Variants in THSD4 observed in about 807,000 individuals in gnomAD.
The protein encoded by THSD4 is thrombospondin type-1 domain-containing protein 4.
In THSD4, 69 loss-of-function variants were observed where a neutral mutation model predicts 119.0. The ratio of observed to expected loss-of-function variants is 0.58; its 90% CI spans 0.48 to 0.71. THSD4 has a LOEUF of 0.71. Among genes scored for constraint, THSD4 ranks in the 30% least tolerant of loss-of-function variants. The pLI, the probability that THSD4 is intolerant of heterozygous loss-of-function variation, is 0.00. For missense variants in THSD4, 1,393 were observed against 1,391.1 expected (o/e 1.00, Z -0.02); for synonymous variants, 524 against 540.4 (o/e 0.97, Z 0.42).
intron 6 of THSD4, among the ~76,000 whole-genome samples, chr15:71,322,543 G>A (rs1326301130): frequency 1.3e-5 from 2 of 152,174 alleles, no homozygotes; most frequent in East Asian, 1.9e-4. Flanking sequence ...CTTAAAAACA[G>A]CAATAAATAT....
In THSD4 at chr15:71,780,895, A is replaced by G. The variant is rs1338603219; in HGVS notation, c.*3521A>G. The G allele has an allele frequency of 7.0e-6, 3 of 428,840 alleles. No homozygotes were observed. The highest frequency in any genetic ancestry group is 2.8e-5 in the Admixed American group (1 of 35,334). The allele number at this position is 428,840 out of a possible 1,614,324, so 26.6% of individuals were successfully genotyped here. ...GAGCTTGGTGTATTTTCATCAAGTT[A>G]TGTGGCAGAGAAATCCAGATATTAC... On this transcript the variant is annotated 3_prime_UTR_variant, in exon 18 of 18. Transcript: ENST00000261862.
chr15:71,363,296 C>G (rs4776550), intron 6 of THSD4, among the ~76,000 whole-genome samples: 30,069 of 152,182 alleles, frequency 0.2, 3,636 homozygotes, highest in East Asian at 0.54. Flanking sequence ...TTTAAAAAAA[C>G]AAAGTAGTAA....
intron 8 of THSD4, among the ~76,000 whole-genome samples, chr15:71,717,083 A>G (rs1408987144): frequency 6.6e-6 from 1 of 152,200 alleles, no homozygotes; most frequent in East Asian, 1.9e-4. Flanking sequence ...GTGAGCCCTG[A>G]TAAGATACTT....
intron 7 of THSD4, among the ~76,000 whole-genome samples, chr15:71,434,280 A>G (rs566916502): frequency 1.3e-5 from 2 of 152,304 alleles, no homozygotes; most frequent in South Asian, 4.1e-4. Flanking sequence ...ATGTAAACAT[A>G]GCATGTAACA....
At chr15:71,405,696 A>G (rs2046596023) in intron 6 of THSD4, among the ~76,000 whole-genome samples, 2 of 152,152 alleles carry the variant, frequency 1.3e-5, no homozygotes, top group East Asian at 1.9e-4. Context: ...ATAAGAGGGC[A>G]TTTGGTAGTT....
chr15:71,242,338 CTCTT>C (rs2044159826), intron 4 of THSD4, among the ~76,000 whole-genome samples: 2 of 152,204 alleles, frequency 1.3e-5, no homozygotes, highest in South Asian at 2.1e-4. Flanking sequence ...AATGCCCAGA[CTCTT>C]TGCATAAAAA....
At chr15:71,224,814 C>T (rs1285546461) in intron 4 of THSD4, among the ~76,000 whole-genome samples, 2 of 152,144 alleles carry the variant, frequency 1.3e-5, no homozygotes, top group Non-Finnish European at 2.9e-5. Flanking sequence ...ATCCTCCTAC[C>T]TCCCACTTAT....
At chr15:71,559,668 A>G (rs1003223195) in intron 7 of THSD4, among the ~76,000 whole-genome samples, 1 of 152,002 alleles carries the variant, frequency 6.6e-6, no homozygotes, top group Non-Finnish European at 1.5e-5. Flanking sequence ...TATTCATCGC[A>G]ATGACATATA....
intron 8 of THSD4, among the ~76,000 whole-genome samples, chr15:71,700,388 G>A (rs2052260942): frequency 6.6e-6 from 1 of 151,814 alleles, no homozygotes; most frequent in African/African-American, 2.4e-5. Context: ...AAATGTACAA[G>A]AACCATAGGA....
intron 2 of THSD4, among the ~76,000 whole-genome samples, chr15:71,144,250 T>C (rs1241318608): frequency 1.3e-5 from 2 of 152,156 alleles, no homozygotes; most frequent in South Asian, 2.1e-4. Context: ...CAGGTGCACA[T>C]CAACCATTTT....
At chr15:71,168,453 A>C (rs1236941330) in intron 3 of THSD4, among the ~76,000 whole-genome samples, 1 of 152,202 alleles carries the variant, frequency 6.6e-6, no homozygotes, top group African/African-American at 2.4e-5. Context: ...AACTTTTTAA[A>C]TTAAAAATAT....
chr15:71,364,199 G>T (rs1204306425), intron 6 of THSD4, among the ~76,000 whole-genome samples: 1 of 152,170 alleles, frequency 6.6e-6, no homozygotes, highest in Non-Finnish European at 1.5e-5. Flanking sequence ...GCAGCATGAT[G>T]GCGTGGAATC....
At chr15:71,315,600 C>G (rs2045176646) in intron 6 of THSD4, among the ~76,000 whole-genome samples, 1 of 152,222 alleles carries the variant, frequency 6.6e-6, no homozygotes, top group Non-Finnish European at 1.5e-5. Context: ...TTGAAACCAA[C>G]AAATATATTT....
chr15:71,356,090 A>C (rs905550931), intron 6 of THSD4, among the ~76,000 whole-genome samples: 1 of 151,772 alleles, frequency 6.6e-6, no homozygotes, highest in African/African-American at 2.4e-5. Flanking sequence ...CTGGTCTCGA[A>C]CTCCTGACCC....
intron 3 of THSD4, chr15:71,186,731 G>A (rs1477516086): frequency 3.3e-5 from 5 of 152,230 alleles, no homozygotes; most frequent in Non-Finnish European, 7.3e-5. Flanking sequence ...GCAGAGCCTA[G>A]TACATGATAA....
intron 7 of THSD4, among the ~76,000 whole-genome samples, chr15:71,428,910 C>T (rs2046907913): frequency 6.6e-6 from 1 of 152,164 alleles, no homozygotes; most frequent in Non-Finnish European, 1.5e-5. Flanking sequence ...GCTTGTCTTC[C>T]TTAGCATGTG....
intron 7 of THSD4, among the ~76,000 whole-genome samples, chr15:71,622,736 G>A (rs1032925236): frequency 1.3e-5 from 2 of 152,146 alleles, no homozygotes; most frequent in African/African-American, 4.8e-5. Flanking sequence ...GTTTATCAAG[G>A]GAGATTTTTA....
At chr15:71,184,560 A>C (rs2043578056) in intron 3 of THSD4, among the ~76,000 whole-genome samples, 1 of 151,928 alleles carries the variant, frequency 6.6e-6, no homozygotes, top group South Asian at 2.1e-4. Flanking sequence ...TCTCAATTTC[A>C]TAGATGAGGA....
At chr15:71,629,507 C>T (rs1001894971) in intron 7 of THSD4, among the ~76,000 whole-genome samples, 2 of 152,176 alleles carry the variant, frequency 1.3e-5, no homozygotes, top group African/African-American at 2.4e-5. Flanking sequence ...TCAGATATCA[C>T]CCGCCCTAAC....
Sources: allele counts gnomAD v4.1 joint callset (sites outside exome capture counted in the v4.1 genomes callset), GRCh38; gene constraint gnomAD v4.1.1; transcripts MANE v1.5; gene names NCBI Gene and HGNC (gene_info 2026-07-23, HGNC 2026-07-21).